EIF2B1: variants seen among roughly 807,000 people sequenced by gnomAD.
The protein encoded by EIF2B1 is eukaryotic translation initiation factor 2B subunit alpha, also known as translation initiation factor eIF2B subunit alpha.
Under a neutral mutation model 36.8 loss-of-function variants are expected in EIF2B1, and 30 were observed. The ratio of observed to expected loss-of-function variants is 0.81; its 90% CI spans 0.61 to 1.10. The LOEUF (loss-of-function observed/expected upper bound fraction) is 1.10. Ranked by LOEUF, EIF2B1 falls within the 50% of genes least tolerant of loss-of-function variation. EIF2B1 has a pLI of 0.00. For missense variants in EIF2B1, 271 were observed against 374.8 expected (o/e 0.72, Z 2.29); for synonymous variants, 139 against 142.2 (o/e 0.98, Z 0.16).
chr12:123,633,488 G>C, intron 1 of EIF2B1, 57 bp downstream of exon 1: 1 of 1,612,890 alleles, frequency 6.2e-7, no homozygotes, highest in Non-Finnish European at 8.5e-7. Flanking sequence ...TGAGAGGTTG[G>C]GGGGACCCCT....
intron 7 of EIF2B1, among the ~76,000 whole-genome samples, chr12:123,623,164 T>C (rs1279977581): frequency 6.6e-6 from 1 of 152,132 alleles, no homozygotes; most frequent in African/African-American, 2.4e-5. Flanking sequence ...GTGGATCACC[T>C]GAGGTCAGGA....
In EIF2B1 at chr12:123,630,022, A is replaced by G. The variant is rs1342642231; in HGVS notation, c.369+147T>C. ...GGAGGTAGGTACTATTGTCATCCTT[A>G]TTTAACAGATGAGAAAGCTGCACAG... On this transcript the variant is annotated intron_variant, in intron 4 of 8. Transcript: ENST00000424014. The surrounding 1 kb of genome is among the most constrained non-coding windows in gnomAD (Gnocchi z 4.6). 1 of 762,624 alleles carries G rather than the reference A, an allele frequency of 1.3e-6. No individual in the cohort carries two copies. Among genetic ancestry groups the G allele is most frequent in the Non-Finnish European group, 2.3e-6 (1 of 431,946 alleles). 47.2% of individuals were successfully genotyped at this position (762,624 alleles called of 1,614,324 possible).
chr12:123,632,281 A>G (rs1955197812), intron 2 of EIF2B1, 64 bp downstream of exon 2: 18 of 1,130,112 alleles, frequency 1.6e-5, no homozygotes, highest in African/African-American at 8.1e-5. Context: ...AAAAAAAAAA[A>G]AAAAGAAAAG....
chr12:123,627,153 T>C lies in EIF2B1; in HGVS notation c.373A>G (p.Ile125Val), dbSNP rs778317602. Residue 125 changes from isoleucine (I) to valine (V), a missense_variant, in exon 5 of 9, where the codon ATA becomes GTA. Coordinates refer to ENST00000424014, the MANE Select transcript of EIF2B1 (RefSeq NM_001414.4). The stretch of plus-strand genomic sequence containing the variant: ...ACTCTGGAGTAGGCGTGAGTCAATA[T>C]TGTCTGTGGACCGAGAAAGCTTTGT... The part of the protein sequence containing the change: ...CHTFIKDGAT[I>V]LTHAYSRVVL... The C allele has an allele frequency of 8.7e-6, 14 of 1,613,650 alleles. No homozygotes were observed. The highest frequency in any genetic ancestry group is 4.0e-5 in the African/African-American group (3 of 74,908).
intron 2 of EIF2B1, among the ~76,000 whole-genome samples, chr12:123,631,934 A>G (rs965322629): frequency 1.3e-5 from 2 of 150,600 alleles, no homozygotes; most frequent in African/African-American, 4.9e-5. Flanking sequence ...AGATTGTGCC[A>G]TTGCACTCCA....
intron 7 of EIF2B1, among the ~76,000 whole-genome samples, chr12:123,624,142 TTATG>T (rs893143353): frequency 1.3e-5 from 2 of 148,742 alleles, no homozygotes; most frequent in Non-Finnish European, 3.0e-5. Flanking sequence ...TGTATATATA[TTATG>T]TGTGTGTATA....
At position 123,621,273 on chromosome 12, in the gene EIF2B1, C is replaced by A. The variant is rs916556316; in HGVS notation, c.*483G>T. The A allele has an allele frequency of 8.0e-6, 2 of 250,872 alleles. No homozygotes were observed. Among genetic ancestry groups the A allele is most frequent in the Non-Finnish European group, 1.6e-5 (2 of 126,680 alleles). 15.5% of individuals were successfully genotyped at this position (250,872 alleles called of 1,614,324 possible). On this transcript the variant is annotated 3_prime_UTR_variant, in exon 9 of 9. Transcript: ENST00000424014. ...TGGCTTGATCCTGCTGAGGAATGTG[C>A]TTACCACTGGAAGCCAGATGCAGAT... is the stretch of plus-strand genomic sequence containing the variant.
chr12:123,627,937 T>G (rs1342264398), intron 4 of EIF2B1, among the ~76,000 whole-genome samples: 1 of 152,252 alleles, frequency 6.6e-6, no homozygotes, highest in African/African-American at 2.4e-5. Context: ...CAGGTGATGT[T>G]TCAAAAATCC....
At position 123,630,092 on chromosome 12, in the gene EIF2B1, A is replaced by G; in HGVS notation, c.369+77T>C. ...CAAGTCTCCACAGCAAGTGAGTGGCAGAGCCCGGATTTTACCCCAGGCAGT... is the reference window on the plus strand; with the variant it reads ...CAAGTCTCCACAGCAAGTGAGTGGCGGAGCCCGGATTTTACCCCAGGCAGT... On this transcript the variant is annotated intron_variant, in intron 4 of 8. Coordinates refer to ENST00000424014, the MANE Select transcript of EIF2B1 (RefSeq NM_001414.4). The surrounding 1 kb of genome is among the most constrained non-coding windows in gnomAD (Gnocchi z 4.6). 7.8e-7 allele frequency: 1 copy of G among 1,275,444 alleles called. No homozygotes were observed. The highest frequency in any genetic ancestry group is 1.1e-6 in the Non-Finnish European group (1 of 877,116). The allele number at this position is 1,275,444 out of a possible 1,614,324, so 79.0% of individuals were successfully genotyped here.
At position 123,620,608 on chromosome 12, in the gene EIF2B1, ATATATATAT is replaced by A. The variant is rs1955065127; in HGVS notation, c.*1139_*1147del. 1 of 76,574 alleles carries A rather than the reference ATATATATAT, an allele frequency of 1.3e-5. No homozygotes were observed. Among genetic ancestry groups the A allele is most frequent in the African/African-American group, 4.1e-5 (1 of 24,646 alleles). The allele number at this position is 76,574 out of a possible 1,614,324, so 4.7% of individuals were successfully genotyped here. On this transcript the variant is annotated 3_prime_UTR_variant, in exon 9 of 9. Transcript: ENST00000424014. ...TATATATATATATATATATATATAT[ATATATATAT>A]ATATATATATAAGCTCTTTTTTCTG...
intron 8 of EIF2B1, 109 bp from the exon 9 acceptor site, chr12:123,622,029 A>G (rs1593776815): frequency 9.6e-6 from 14 of 1,465,962 alleles, no homozygotes; most frequent in Non-Finnish European, 1.0e-5. Context: ...CTCTCTGAAA[A>G]TGGGAGAAAC....
In EIF2B1 at chr12:123,620,583, TATA is replaced by T. The variant is rs1566210757; in HGVS notation, c.*1170_*1172del. 323 of 25,430 alleles carry T rather than the reference TATA, an allele frequency of 0.013. 10 individuals are homozygous for T. The highest frequency in any genetic ancestry group is 0.038 in the African/African-American group (285 of 7,552). 1.6% of individuals were successfully genotyped at this position (25,430 alleles called of 1,614,324 possible). A position where few individuals can be genotyped will look rare whatever the true frequency, so the allele number is the denominator to read the frequency against. ...CACATATAGACATATGTACATATTA[TATA>T]TATATATATATATATATATATATAT... On this transcript the variant is annotated 3_prime_UTR_variant, in exon 9 of 9. Coordinates refer to ENST00000424014, the MANE Select transcript of EIF2B1 (RefSeq NM_001414.4).
At chr12:123,621,983 T>C in intron 8 of EIF2B1, 63 bp from the exon 9 acceptor site, 8 of 1,592,764 alleles carry the variant, frequency 5.0e-6, no homozygotes, top group Non-Finnish European at 6.8e-6. Context: ...GGTAGGGCCT[T>C]GGTGTGAGTG....
chr12:123,625,101 A>G (rs1955138626), intron 6 of EIF2B1, among the ~76,000 whole-genome samples: 2 of 152,122 alleles, frequency 1.3e-5, no homozygotes, highest in East Asian at 1.9e-4. Flanking sequence ...GCACACGTAC[A>G]TATGTGTGTA....
chr12:123,627,179 C>G, intron 4 of EIF2B1, 23 bp from the exon 5 acceptor site: 1 of 1,598,230 alleles, frequency 6.3e-7, no homozygotes, highest in Non-Finnish European at 8.6e-7. Flanking sequence ...AAAGCTTTGT[C>G]AAAGGGGCAG....
intron 5 of EIF2B1, 40 bp downstream of exon 5, chr12:123,627,004 A>C: frequency 6.3e-7 from 1 of 1,588,138 alleles, no homozygotes; most frequent in South Asian, 1.1e-5. Flanking sequence ...TGCTCTGTAA[A>C]ATTATGGCTG....
intron 6 of EIF2B1, 99 bp from the exon 7 acceptor site, chr12:123,624,961 T>A: frequency 8.8e-7 from 1 of 1,138,444 alleles, no homozygotes; most frequent in Non-Finnish European, 1.3e-6. Context: ...CAAGGTAAGT[T>A]CCTCCCATAA....
chr12:123,620,583 TATATATATATATA>T lies in EIF2B1; in HGVS notation c.*1160_*1172del, dbSNP rs1955058317. On this transcript the variant is annotated 3_prime_UTR_variant, in exon 9 of 9. Coordinates refer to ENST00000424014, the MANE Select transcript of EIF2B1 (RefSeq NM_001414.4). ...CACATATAGACATATGTACATATTA[TATATATATATATA>T]TATATATATATATATATATATATAT... 9 of 25,444 alleles carry T rather than the reference TATATATATATATA, an allele frequency of 3.5e-4. No homozygotes were observed. Among genetic ancestry groups the T allele is most frequent in the African/African-American group, 1.2e-3 (9 of 7,562 alleles). The allele number at this position is 25,444 out of a possible 1,614,324, so 1.6% of individuals were successfully genotyped here.
chr12:123,626,809 C>A, intron 5 of EIF2B1: 1 of 685,664 alleles, frequency 1.5e-6, no homozygotes, highest in East Asian at 2.7e-5. Context: ...TTCATCAATA[C>A]AATCTCTGCT....
Sources: allele counts gnomAD v4.1 joint callset (sites outside exome capture counted in the v4.1 genomes callset), GRCh38; gene constraint gnomAD v4.1.1; non-coding constraint Gnocchi (gnomAD v3.1); transcripts MANE v1.5; gene names NCBI Gene and HGNC (gene_info 2026-07-23, HGNC 2026-07-21).